Variants in IPO13 observed in about 807,000 individuals in gnomAD.
IPO13 encodes importin 13.
A neutral mutation model predicts 115.5 loss-of-function variants in IPO13; 28 were observed. The ratio of observed to expected loss-of-function variants is 0.24; its 90% CI spans 0.18 to 0.33. The LOEUF is 0.33. IPO13 is among the 10% of genes least tolerant of loss of function. The pLI is 1.00. For missense variants in IPO13, 785 were observed against 1,204.6 expected, an observed-to-expected ratio of 0.65 and a Z score of 5.16; for synonymous variants, 414 against 478.9, an observed-to-expected ratio of 0.86 and a Z score of 1.77.
Position 43,958,371 on chromosome 1 carries a change from C to T in IPO13, c.1750-90C>T, listed in dbSNP as rs971987035. ...CTTCCCCTTCCTCTTATCCCTTATT[C>T]TCTGTTTTTCTTCTCCCAAGAGGCT... is the stretch of plus-strand genomic sequence containing the variant. On this transcript the variant is annotated intron_variant, in intron 9 of 19. Coordinates refer to ENST00000372343, the MANE Select transcript of IPO13 (RefSeq NM_014652.4). The surrounding 1 kb of genome is among the most constrained non-coding windows in gnomAD (Gnocchi z 6.3). 1.9e-6 allele frequency: 3 copies of T among 1,608,532 alleles called. No individual in the cohort carries two copies. The Admixed American group carries it at 5.0e-5, about 27-fold the overall frequency.
At position 43,953,037 on chromosome 1, in the gene IPO13, C is replaced by T. The variant is rs373316439; in HGVS notation, c.821+2884C>T. On this transcript the variant is annotated intron_variant, in intron 2 of 19. Coordinates refer to ENST00000372343, the MANE Select transcript of IPO13 (RefSeq NM_014652.4). ...TGATGTGAGGTGTCCTTGGATACAC[C>T]CAAGTTTACCCGCCCAGCCAGTCTC... 9.2e-5 allele frequency among the ~76,000 whole-genome samples: 14 copies of T among 152,106 alleles called. No homozygotes were observed. In the East Asian group the frequency reaches 1.2e-3, roughly 13 times the overall value.
At position 43,952,391 on chromosome 1, in the gene IPO13, A is replaced by C. The variant is rs1003808477; in HGVS notation, c.821+2238A>C. On this transcript the variant is annotated intron_variant, in intron 2 of 19. Transcript: ENST00000372343. The surrounding 1 kb of genome is among the most constrained non-coding windows in gnomAD (Gnocchi z 4.7). ...TGCCATGTTGGTCAGGCTGGTCTTGAACTCCTAACCTCAGGTGATCCATCT... is the reference window on the plus strand; with the variant it reads ...TGCCATGTTGGTCAGGCTGGTCTTGCACTCCTAACCTCAGGTGATCCATCT... Among the ~76,000 whole-genome samples, 3 of 152,088 alleles carry C rather than the reference A, an allele frequency of 2.0e-5. No homozygotes were observed. Among genetic ancestry groups the C allele is most frequent in the Non-Finnish European group, 2.9e-5 (2 of 68,014 alleles).
In IPO13 at chr1:43,967,738, T is replaced by TA. The variant is rs1326825242; in HGVS notation, c.*59dup. 9 of 1,506,484 alleles carry TA rather than the reference T, an allele frequency of 6.0e-6. No individual in the cohort carries two copies. Among genetic ancestry groups the TA allele is most frequent in the Non-Finnish European group, 8.3e-6 (9 of 1,086,016 alleles). 93.3% of individuals were successfully genotyped at this position (1,506,484 alleles called of 1,614,324 possible). On this transcript the variant is annotated 3_prime_UTR_variant, in exon 20 of 20. Coordinates refer to ENST00000372343, the MANE Select transcript of IPO13 (RefSeq NM_014652.4). The surrounding 1 kb of genome is among the most constrained non-coding windows in gnomAD (Gnocchi z 6.1). ...TTCATCCTTCCCTATTCCCAAAGAG[T>TA]AAACCTGGACCCTCACTGCTGTCTC...
In IPO13 at chr1:43,958,358, C is replaced by T. The variant is rs1571767724; in HGVS notation, c.1749+90C>T. On this transcript the variant is annotated intron_variant, in intron 9 of 19. Transcript: ENST00000372343. The surrounding 1 kb of genome is among the most constrained non-coding windows in gnomAD (Gnocchi z 6.3). ...CCTGTTTTTTGGCCTTCCCCTTCCT[C>T]TTATCCCTTATTCTCTGTTTTTCTT... The T allele has an allele frequency of 1.9e-6, 3 of 1,609,512 alleles. No individual in the cohort carries two copies. Among genetic ancestry groups the T allele is most frequent in the East Asian group, 2.2e-5 (1 of 44,846 alleles).
chr1:43,966,436 C>G lies in IPO13; in HGVS notation c.2398-139C>G. ...TACTGAACTCTGAGGTGGTCCGGGTCCCCCAGAGATGGCTGGGTAGCTGGT... is the reference window on the plus strand; with the variant it reads ...TACTGAACTCTGAGGTGGTCCGGGTGCCCCAGAGATGGCTGGGTAGCTGGT... On this transcript the variant is annotated intron_variant, in intron 15 of 19. Transcript: ENST00000372343. This position sits in a 1 kb window ranked among gnomAD's most constrained non-coding sequence, Gnocchi z 4.1. 2.5e-6 allele frequency: 2 copies of G among 794,068 alleles called. No individual in the cohort carries two copies. Among genetic ancestry groups the G allele is most frequent in the South Asian group, 1.5e-5 (1 of 66,682 alleles). 49.2% of individuals were successfully genotyped at this position (794,068 alleles called of 1,614,324 possible). A position where few individuals can be genotyped will look rare whatever the true frequency, so the allele number is the denominator to read the frequency against.
At chr1:43,965,517 C>T (rs1000859824) in intron 15 of IPO13, among the ~76,000 whole-genome samples, 12 of 151,778 alleles carry the variant, frequency 7.9e-5, no homozygotes, top group Admixed American at 3.3e-4. Flanking sequence ...ATCTTTGATG[C>T]GGAGGGTGTC....
Position 43,967,755 on chromosome 1 carries a change from T to C in IPO13, c.*73T>C. ...CCAAAGAGTAAACCTGGACCCTCAC[T>C]GCTGTCTCTGCCTCCTTTCTGCTGT... is the stretch of plus-strand genomic sequence containing the variant. On this transcript the variant is annotated 3_prime_UTR_variant, in exon 20 of 20. Transcript: ENST00000372343. The surrounding 1 kb of genome is among the most constrained non-coding windows in gnomAD (Gnocchi z 6.1). The C allele has an allele frequency of 7.4e-7, 1 of 1,355,630 alleles. No homozygotes were observed. The highest frequency in any genetic ancestry group is 1.4e-5 in the African/African-American group (1 of 69,308). 84.0% of individuals were successfully genotyped at this position (1,355,630 alleles called of 1,614,324 possible). A position where few individuals can be genotyped will look rare whatever the true frequency, so the allele number is the denominator to read the frequency against.
In IPO13 at chr1:43,966,650, G is replaced by A. The variant is rs758670394; in HGVS notation, c.2464+9G>A. On this transcript the variant is annotated intron_variant, in intron 16 of 19. Coordinates refer to ENST00000372343, the MANE Select transcript of IPO13 (RefSeq NM_014652.4). This position sits in a 1 kb window ranked among gnomAD's most constrained non-coding sequence, Gnocchi z 4.1. ...AGCTGTGTTCCAGTGTGGTAAGTGG[G>A]GCGAGATGGACAGGTGGGCCTGGGG... The A allele has an allele frequency of 6.2e-7, 1 of 1,614,184 alleles. No homozygotes were observed. The highest frequency in any genetic ancestry group is 1.1e-5 in the South Asian group (1 of 91,084).
chr1:43,957,628 C>T (rs2085260386), intron 7 of IPO13, 79 bp downstream of exon 7: 4 of 1,544,972 alleles, frequency 2.6e-6, no homozygotes, highest in East Asian at 2.2e-5. Flanking sequence ...ATGCTGGATC[C>T]TATCCAGAAT....
chr1:43,961,040 C>A, intron 13 of IPO13, 27 bp downstream of exon 13: 1 of 1,613,202 alleles, frequency 6.2e-7, no homozygotes, highest in Non-Finnish European at 8.5e-7. Context: ...GGGCAGAGAT[C>A]CTGACCCTGG....
intron 14 of IPO13, among the ~76,000 whole-genome samples, chr1:43,962,196 C>G (rs1056639883): frequency 6.6e-6 from 1 of 152,032 alleles, no homozygotes; most frequent in Non-Finnish European, 1.5e-5. Flanking sequence ...AACCAGAAAC[C>G]TGGTGTGGTC....
At position 43,949,455 on chromosome 1, in the gene IPO13, T is replaced by A. The variant is rs956956761; in HGVS notation, c.123T>A (p.Asn41Lys). The A allele has an allele frequency of 5.0e-6, 8 of 1,612,962 alleles. No homozygotes were observed. The highest frequency in any genetic ancestry group is 1.3e-5 in the African/African-American group (1 of 75,010). The change falls in exon 2 of 20, where the codon AAT becomes AAA. Residue 41 changes from asparagine to lysine, a missense_variant. Transcript: ENST00000372343. Reference protein sequence around the residue: ...HQLYYDPNIENKNLAQKWLMQ... With the variant: ...HQLYYDPNIEKKNLAQKWLMQ... ...TCTACTATGATCCCAACATTGAGAA[T>A]AAGAACCTGGCTCAGAAGTGGCTGA...
At position 43,966,323 on chromosome 1, in the gene IPO13, TC is replaced by T. The variant is rs2085324208; in HGVS notation, c.2398-248del. On this transcript the variant is annotated intron_variant, in intron 15 of 19. Transcript: ENST00000372343. This position sits in a 1 kb window ranked among gnomAD's most constrained non-coding sequence, Gnocchi z 4.1. Reference sequence around the variant, plus strand: ...GGAACCCAAACTTTCTGCATTATGATCCCCACCCCCAACCTCTCTCACGTAC... The same window carrying T: ...GGAACCCAAACTTTCTGCATTATGATCCCACCCCCAACCTCTCTCACGTAC... 1.7e-6 allele frequency: 1 copy of T among 578,144 alleles called. No homozygotes were observed. The highest frequency in any genetic ancestry group is 3.1e-6 in the Non-Finnish European group (1 of 322,638). The allele number at this position is 578,144 out of a possible 1,614,324, so 35.8% of individuals were successfully genotyped here. A position where few individuals can be genotyped will look rare whatever the true frequency, so the allele number is the denominator to read the frequency against.
At chr1:43,957,688 C>G in intron 7 of IPO13, 139 bp downstream of exon 7, 1 of 1,115,420 alleles carries the variant, frequency 9.0e-7, no homozygotes, top group Non-Finnish European at 1.3e-6. Flanking sequence ...AACTGACTGT[C>G]CTGGCAGGTC....
chr1:43,967,208 G>C lies in IPO13; in HGVS notation c.2614-107G>C. ...GCTCTCAAAAAGCAGCGCTCACTGT[G>C]ATGTGCAGTTTGGCTTAGGAACTGT... On this transcript the variant is annotated intron_variant, in intron 18 of 19. Coordinates refer to ENST00000372343, the MANE Select transcript of IPO13 (RefSeq NM_014652.4). This position sits in a 1 kb window ranked among gnomAD's most constrained non-coding sequence, Gnocchi z 6.1. The C allele has an allele frequency of 1.6e-6, 2 of 1,259,512 alleles. No homozygotes were observed. Among genetic ancestry groups the C allele is most frequent in the Non-Finnish European group, 2.3e-6 (2 of 876,826 alleles). The allele number at this position is 1,259,512 out of a possible 1,614,324, so 78.0% of individuals were successfully genotyped here. A position where few individuals can be genotyped will look rare whatever the true frequency, so the allele number is the denominator to read the frequency against.
chr1:43,958,338 T>C lies in IPO13; in HGVS notation c.1749+70T>C. 5.6e-6 allele frequency: 9 copies of C among 1,611,264 alleles called. No homozygotes were observed. Among genetic ancestry groups the C allele is most frequent in the Non-Finnish European group, 6.8e-6 (8 of 1,177,554 alleles). ...GAATCACTTATCCCTGAAATCCTGT[T>C]TTTTGGCCTTCCCCTTCCTCTTATC... On this transcript the variant is annotated intron_variant, in intron 9 of 19. Transcript: ENST00000372343. This position sits in a 1 kb window ranked among gnomAD's most constrained non-coding sequence, Gnocchi z 6.3.
intron 14 of IPO13, among the ~76,000 whole-genome samples, chr1:43,962,058 T>C (rs1043724398): frequency 7.9e-5 from 12 of 152,142 alleles, no homozygotes; most frequent in African/African-American, 2.9e-4. Flanking sequence ...GGTCACAGGT[T>C]TGAGGCTCAC....
In IPO13 at chr1:43,946,957, T is replaced by G. The variant is rs1366630282; in HGVS notation, c.-644T>G. On this transcript the variant is annotated 5_prime_UTR_variant, in exon 1 of 20. Coordinates refer to ENST00000372343, the MANE Select transcript of IPO13 (RefSeq NM_014652.4). ...CCCGTCCCGGCCGGCCTGGCTTGTC[T>G]TGTCAGTCACTGGGGCGGAGGCAGC... The G allele has an allele frequency of 5.0e-6, 2 of 398,072 alleles. No individual in the cohort carries two copies. The highest frequency in any genetic ancestry group is 8.8e-6 in the Non-Finnish European group (2 of 225,998). 24.7% of individuals were successfully genotyped at this position (398,072 alleles called of 1,614,324 possible). A position where few individuals can be genotyped will look rare whatever the true frequency, so the allele number is the denominator to read the frequency against.
Position 43,967,222 on chromosome 1 carries a change from C to A in IPO13, c.2614-93C>A. 1.4e-6 allele frequency: 2 copies of A among 1,396,296 alleles called. No homozygotes were observed. Among genetic ancestry groups the A allele is most frequent in the Non-Finnish European group, 2.0e-6 (2 of 999,132 alleles). The allele number at this position is 1,396,296 out of a possible 1,614,324, so 86.5% of individuals were successfully genotyped here. On this transcript the variant is annotated intron_variant, in intron 18 of 19. Coordinates refer to ENST00000372343, the MANE Select transcript of IPO13 (RefSeq NM_014652.4). The surrounding 1 kb of genome is among the most constrained non-coding windows in gnomAD (Gnocchi z 6.1). Reference sequence around the variant, plus strand: ...GCGCTCACTGTGATGTGCAGTTTGGCTTAGGAACTGTCCAGAGGGCAGTTA... The same window carrying A: ...GCGCTCACTGTGATGTGCAGTTTGGATTAGGAACTGTCCAGAGGGCAGTTA...
Sources: gnomAD v4.1 joint callset for allele counts (sites outside exome capture counted in the v4.1 genomes callset) on GRCh38, gnomAD v4.1.1 for gene constraint, Gnocchi (gnomAD v3.1) non-coding constraint, MANE v1.5 for transcripts, NCBI Gene and HGNC (gene_info 2026-07-23, HGNC 2026-07-21) for gene names.